The following KDR variants were observed in gnomAD, a reference collection of about 807,000 sequenced individuals.
The protein encoded by KDR is vascular endothelial growth factor receptor 2.
KDR carries 43 observed loss-of-function variants against 160.9 expected under a neutral mutation model. The ratio of observed to expected loss-of-function variants is 0.27; its 90% CI spans 0.21 to 0.34. KDR has a LOEUF of 0.34. Ranked by LOEUF, KDR falls within the 10% of genes least tolerant of loss-of-function variation. The pLI, the probability that KDR is intolerant of heterozygous loss-of-function variation, is 1.00. For missense variants in KDR, 1,469 were observed against 1,666.4 expected (o/e 0.88, Z 2.06); for synonymous variants, 617 against 600.1 (o/e 1.03, Z -0.41).
chr4:55,087,577 C>T (rs900931519), intron 27 of KDR, 30 bp downstream of exon 27: 2 of 1,611,194 alleles, frequency 1.2e-6, no homozygotes, highest in African/African-American at 1.3e-5. Flanking sequence ...AGTCACCCTC[C>T]CCCGGGGGAT....
chr4:55,107,921 T>C (rs773791962), intron 9 of KDR, 28 bp from the exon 10 acceptor site: 3 of 1,613,028 alleles, frequency 1.9e-6, no homozygotes, highest in South Asian at 1.1e-5. Flanking sequence ...AACTTTTGAA[T>C]TGTCAGTCAG....
intron 13 of KDR, 89 bp downstream of exon 13, chr4:55,104,554 G>T: frequency 1.0e-6 from 1 of 989,294 alleles, no homozygotes; most frequent in Non-Finnish European, 1.6e-6. Flanking sequence ...ATCTCCTAGA[G>T]GACAGTAATC....
At chr4:55,110,378 A>G (rs759776255) in intron 9 of KDR, 25 bp downstream of exon 9, 2 of 1,611,542 alleles carry the variant, frequency 1.2e-6, no homozygotes, top group Non-Finnish European at 1.7e-6. Context: ...AATCTTGGGC[A>G]GAGAGGAAAA....
At chr4:55,101,336 G>A (rs1255664027) in intron 15 of KDR, among the ~76,000 whole-genome samples, 5 of 152,174 alleles carry the variant, frequency 3.3e-5, no homozygotes, top group South Asian at 2.1e-4. Context: ...CATTAATTAT[G>A]TTTGCTGGTT....
intron 1 of KDR, 51 bp downstream of exon 1, chr4:55,125,176 T>G (rs765321302): frequency 1.3e-6 from 2 of 1,546,716 alleles, no homozygotes; most frequent in African/African-American, 2.7e-5. Context: ...TCAGGTCCTC[T>G]CCGCCCTCAC....
At chr4:55,098,934 A>G (rs1720233789) in intron 15 of KDR, 131 bp from the exon 16 acceptor site, 1 of 640,970 alleles carries the variant, frequency 1.6e-6, no homozygotes. Flanking sequence ...GACAACAGTT[A>G]CACACCCGTA....
Position 55,104,959 on chromosome 4 carries a change from A to G in KDR, c.1671T>C (p.Pro557=), listed in dbSNP as rs1198882584. The G allele has an allele frequency of 1.9e-6, 3 of 1,613,878 alleles. No homozygotes were observed. Among genetic ancestry groups the G allele is most frequent in the Non-Finnish European group, 2.5e-6 (3 of 1,179,832 alleles). Residue 557 remains proline, a synonymous_variant, in exon 13 of 30, where the codon CCT becomes CCC. Transcript: ENST00000263923. ...TCTCCTGCTCAGTGGGCTGCATGTCAGGTTGCAAAGTAATTTCAGGACCCC... is the reference window on the plus strand; with the variant it reads ...TCTCCTGCTCAGTGGGCTGCATGTCGGGTTGCAAAGTAATTTCAGGACCCC... ...VTRGPEITLQ[P]DMQPTEQESV... is the part of the protein sequence containing the mutation.
At position 55,115,378 on chromosome 4, in the gene KDR, T is replaced by C. The variant is rs1720710188; in HGVS notation, c.392A>G (p.Asp131Gly). ...YRSPFIASVS[D>G]QHGVVYITEN... Reference sequence around the variant, plus strand: ...AGTAATGTACACGACTCCATGTTGGTCACTAACAGAAGCAATAAATGGAGA... The same window carrying C: ...AGTAATGTACACGACTCCATGTTGGCCACTAACAGAAGCAATAAATGGAGA... Residue 131 changes from aspartate (D) to glycine (G), a missense_variant, in exon 4 of 30, where the codon GAC becomes GGC. Physicochemically the swap from Asp to Gly is moderately conservative, Grantham distance 94. Around this residue, in one of 7 missense-constraint regions of KDR, gnomAD observed 792 missense variants for 840.9 expected, o/e 0.94. Transcript: ENST00000263923. 4 of 1,542,518 alleles carry C rather than the reference T, an allele frequency of 2.6e-6. No homozygotes were observed. Among genetic ancestry groups the C allele is most frequent in the Non-Finnish European group, 3.6e-6 (4 of 1,114,892 alleles).
At chr4:55,106,435 T>C (rs991762838) in intron 11 of KDR, among the ~76,000 whole-genome samples, 1 of 152,212 alleles carries the variant, frequency 6.6e-6, no homozygotes. Context: ...TTCATTCTCA[T>C]GTTTATAAAA....
Position 55,125,333 on chromosome 4 carries a change from G to T in KDR, c.-40C>A. The stretch of plus-strand genomic sequence containing the variant: ...CGGGCGAAATGCCCAGAACTCGGGA[G>T]CCGGTTCTTTCTCCCAGCGCCTGTC... On this transcript the variant is annotated 5_prime_UTR_variant, in exon 1 of 30. Transcript: ENST00000263923. The T allele has an allele frequency of 6.3e-7, 1 of 1,585,750 alleles. No individual in the cohort carries two copies. Among genetic ancestry groups the T allele is most frequent in the East Asian group, 2.3e-5 (1 of 43,870 alleles).
At chr4:55,119,748 G>T (rs1433996945) in intron 2 of KDR, among the ~76,000 whole-genome samples, 1 of 152,182 alleles carries the variant, frequency 6.6e-6, no homozygotes, top group Non-Finnish European at 1.5e-5. Flanking sequence ...GGAGGTGCAA[G>T]TAAGAGTCCC....
Position 55,093,467 on chromosome 4 carries a change from G to A in KDR, c.2972-753C>T, listed in dbSNP as rs375874270. On this transcript the variant is annotated intron_variant, in intron 21 of 29. Transcript: ENST00000263923. Reference sequence around the variant, plus strand: ...AAAACTTAGTTGTAGTAATAAATTCGTAAGTATTTAAAAGGCTGTGAGCCT... The same window carrying A: ...AAAACTTAGTTGTAGTAATAAATTCATAAGTATTTAAAAGGCTGTGAGCCT... 1.9e-4 allele frequency among the ~76,000 whole-genome samples: 29 copies of A among 152,212 alleles called. No individual in the cohort carries two copies. In the East Asian group the frequency reaches 2.9e-3, roughly 15 times the overall value.
At chr4:55,107,973 G>T in intron 9 of KDR, 80 bp from the exon 10 acceptor site, 1 of 1,511,326 alleles carries the variant, frequency 6.6e-7, no homozygotes, top group Non-Finnish European at 9.2e-7. Context: ...AACTAAAGCT[G>T]ACTTTCTTTA....
Position 55,125,588 on chromosome 4 carries a change from G to T in KDR, c.-295C>A, listed in dbSNP as rs1721017353. Reference sequence around the variant, plus strand: ...ATTGACCGCTCTCCCGGGGTCCCGGGACTCAGTGCAGGGTGGGAGCTGGTG... The same window carrying T: ...ATTGACCGCTCTCCCGGGGTCCCGGTACTCAGTGCAGGGTGGGAGCTGGTG... On this transcript the variant is annotated 5_prime_UTR_variant, in exon 1 of 30. Coordinates refer to ENST00000263923, the MANE Select transcript of KDR (RefSeq NM_002253.4). 2 of 570,642 alleles carry T rather than the reference G, an allele frequency of 3.5e-6. No homozygotes were observed. Among genetic ancestry groups the T allele is most frequent in the African/African-American group, 1.9e-5 (1 of 53,292 alleles). The allele number at this position is 570,642 out of a possible 1,614,324, so 35.3% of individuals were successfully genotyped here. A position where few individuals can be genotyped will look rare whatever the true frequency, so the allele number is the denominator to read the frequency against.
chr4:55,113,901 G>A (rs539240140), intron 6 of KDR, among the ~76,000 whole-genome samples: 1 of 152,320 alleles, frequency 6.6e-6, no homozygotes, highest in South Asian at 2.1e-4. Flanking sequence ...GGCTATTGCA[G>A]AATAGGACAA....
intron 26 of KDR, 80 bp downstream of exon 26, chr4:55,088,788 C>A: frequency 1.1e-6 from 1 of 893,430 alleles, no homozygotes; most frequent in Non-Finnish European, 1.9e-6. Context: ...GCATGGTAGC[C>A]ATGAGACAGT....
Position 55,113,290 on chromosome 4 carries a change from A to G in KDR, c.976+14T>C. The G allele has an allele frequency of 6.2e-7, 1 of 1,613,040 alleles. No homozygotes were observed. ...TTGTCAAGGCACAGAATAATTTCCA[A>G]GACCATAGCTTACCATGGACCCTGA... On this transcript the variant is annotated intron_variant, in intron 7 of 29. Coordinates refer to ENST00000263923, the MANE Select transcript of KDR (RefSeq NM_002253.4).
Position 55,114,133 on chromosome 4 carries a change from G to C in KDR, c.791C>G (p.Ser264Cys), listed in dbSNP as rs1438804033. 2 of 1,613,958 alleles carry C rather than the reference G, an allele frequency of 1.2e-6. No homozygotes were observed. The highest frequency in any genetic ancestry group is 2.2e-5 in the South Asian group (2 of 91,076). ...TTGAATCATTAGCGTTACCTTCGAA[G>C]AAGGGTATTCCCAGTTGAAGTCAAT... ...VGIDFNWEYP[S>C]SKHQHKKLVN... Residue 264 changes from serine to cysteine, a missense_variant, in exon 6 of 30, where the codon TCT becomes TGT. By Grantham distance (112) the Ser-to-Cys change is moderately radical (BLOSUM62 -1). Coordinates refer to ENST00000263923, the MANE Select transcript of KDR (RefSeq NM_002253.4).
rs988056261 is a variant in KDR at position 55,115,350 on chromosome 4, C to A, written c.420G>T (p.Glu140Asp). The A allele has an allele frequency of 5.7e-6, 9 of 1,576,442 alleles. No homozygotes were observed. In the African/African-American group the frequency reaches 1.2e-4, roughly 21 times the overall value. ...GAATCACCACAGTTTTGTTTTTGTT[C>A]TCAGTAATGTACACGACTCCATGTT... ...SDQHGVVYITENKNKTVVIPC... is the reference protein window; with the variant it reads ...SDQHGVVYITDNKNKTVVIPC... The change falls in exon 4 of 30, where the codon GAG (glutamate) becomes GAT (aspartate). Residue 140 changes from glutamate to aspartate, a missense_variant. This residue lies in a region of KDR where 792 missense variants were observed against 840.9 expected (regional missense o/e 0.94). Coordinates refer to ENST00000263923, the MANE Select transcript of KDR (RefSeq NM_002253.4).
Sources: allele counts gnomAD v4.1 joint callset (sites outside exome capture counted in the v4.1 genomes callset), GRCh38; gene constraint gnomAD v4.1.1; regional missense constraint gnomAD v4.1.1; transcripts MANE v1.5; gene names NCBI Gene and HGNC (gene_info 2026-07-23, HGNC 2026-07-21).